The following TMC1 variants were observed in gnomAD, a reference collection of about 807,000 sequenced individuals.
TMC1 encodes the protein transmembrane channel like 1, also known as transmembrane channel-like protein 1.
Under a neutral mutation model 105.8 loss-of-function variants are expected in TMC1, and 84 were observed. The ratio of observed to expected loss-of-function variants is 0.79; its 90% CI spans 0.67 to 0.95. TMC1 has a LOEUF of 0.95. Among genes scored for constraint, TMC1 ranks in the 40% least tolerant of loss-of-function variants. The pLI is 0.00. For synonymous variants in TMC1, 315 were observed against 311.5 expected (o/e 1.01, Z -0.12); for missense variants, 817 against 914.1 (o/e 0.89, Z 1.37).
At chr9:72,720,296 C>A (rs1046852571) in intron 8 of TMC1, among the ~76,000 whole-genome samples, 2 of 152,196 alleles carry the variant, frequency 1.3e-5, no homozygotes, top group African/African-American at 4.8e-5. Flanking sequence ...AGTCACAAAC[C>A]TGAAGTTCAC....
intron 5 of TMC1, among the ~76,000 whole-genome samples, chr9:72,656,787 T>TC (rs1336740539): frequency 6.6e-5 from 10 of 152,052 alleles, no homozygotes; most frequent in Middle Eastern, 3.4e-3. Flanking sequence ...TTCTTTTTTT[T>TC]CCCCCCTCCG....
chr9:72,767,513 A>G (rs1258625995), intron 12 of TMC1, among the ~76,000 whole-genome samples: 2 of 152,226 alleles, frequency 1.3e-5, no homozygotes, highest in Non-Finnish European at 2.9e-5. Flanking sequence ...ATCTATGTAT[A>G]TTGGGCAAAT....
intron 19 of TMC1, among the ~76,000 whole-genome samples, chr9:72,819,732 T>C (rs558485935): frequency 2.6e-5 from 4 of 152,192 alleles, no homozygotes; most frequent in Non-Finnish European, 5.9e-5. Context: ...CAAATTTACG[T>C]TGGATTGGCT....
intron 1 of TMC1, among the ~76,000 whole-genome samples, chr9:72,542,597 G>C (rs114173194): frequency 3.4e-4 from 51 of 152,018 alleles, no homozygotes; most frequent in South Asian, 1.3e-3. Context: ...TCCAGCCTAG[G>C]GGGGAGAAAA....
intron 8 of TMC1, among the ~76,000 whole-genome samples, chr9:72,717,878 C>G (rs1026249355): frequency 1.1e-4 from 16 of 152,110 alleles, no homozygotes; most frequent in Non-Finnish European, 4.4e-5. Flanking sequence ...TATTATTCCC[C>G]CAAATATGTT....
chr9:72,781,967 C>T (rs1828100654), intron 13 of TMC1, among the ~76,000 whole-genome samples: 1 of 152,168 alleles, frequency 6.6e-6, no homozygotes. Context: ...TTCCATGAGA[C>T]CAGCATCATT....
At chr9:72,672,363 AAAATT>A (rs1208719360) in intron 5 of TMC1, among the ~76,000 whole-genome samples, 1 of 152,160 alleles carries the variant, frequency 6.6e-6, no homozygotes, top group African/African-American at 2.4e-5. Flanking sequence ...AATTCCTTAT[AAAATT>A]AAATTAATTC....
chr9:72,672,163 T>A (rs1564481592), intron 5 of TMC1, among the ~76,000 whole-genome samples: 1 of 152,238 alleles, frequency 6.6e-6, no homozygotes, highest in Non-Finnish European at 1.5e-5. Flanking sequence ...ACTTTGAGAT[T>A]CAGTTTTACA....
intron 5 of TMC1, among the ~76,000 whole-genome samples, chr9:72,652,153 TA>T (rs1825823819): frequency 6.6e-6 from 1 of 152,168 alleles, no homozygotes; most frequent in African/African-American, 2.4e-5. Context: ...ATTTCCCTGA[TA>T]ATTAGTGATG....
At chr9:72,765,123 T>C (rs948212599) in intron 12 of TMC1, among the ~76,000 whole-genome samples, 1 of 152,206 alleles carries the variant, frequency 6.6e-6, no homozygotes, top group African/African-American at 2.4e-5. Flanking sequence ...CAATCCGGAA[T>C]TCTTAGCCAA....
At chr9:72,636,581 G>C (rs1257777262) in intron 4 of TMC1, among the ~76,000 whole-genome samples, 1 of 151,814 alleles carries the variant, frequency 6.6e-6, no homozygotes, top group Non-Finnish European at 1.5e-5. Flanking sequence ...GGTGGTGGGA[G>C]CCTGCAGTCT....
chr9:72,545,965 C>A (rs1823759890), intron 1 of TMC1, among the ~76,000 whole-genome samples: 4 of 147,638 alleles, frequency 2.7e-5, no homozygotes, highest in Non-Finnish European at 4.5e-5. Flanking sequence ...AAAAAACAAA[C>A]CTTCACTAGA....
intron 2 of TMC1, among the ~76,000 whole-genome samples, chr9:72,582,095 T>G (rs1437862016): frequency 6.6e-6 from 1 of 152,150 alleles, no homozygotes; most frequent in East Asian, 1.9e-4. Flanking sequence ...GTAGCTGGGA[T>G]TACAGGCATG....
chr9:72,531,872 TG>T (rs1243590294), intron 1 of TMC1, among the ~76,000 whole-genome samples: 1 of 152,190 alleles, frequency 6.6e-6, no homozygotes, highest in Admixed American at 6.5e-5. Context: ...TTCCTGTATC[TG>T]GCTGGCAATT....
At chr9:72,630,332 G>A (rs968326427) in intron 4 of TMC1, among the ~76,000 whole-genome samples, 1 of 152,132 alleles carries the variant, frequency 6.6e-6, no homozygotes, top group Non-Finnish European at 1.5e-5. Context: ...TTTAATATTG[G>A]TAAGAACAAG....
intron 12 of TMC1, among the ~76,000 whole-genome samples, chr9:72,759,806 G>A (rs939151294): frequency 6.6e-6 from 1 of 152,178 alleles, no homozygotes; most frequent in African/African-American, 2.4e-5. Context: ...AGCATGTTCA[G>A]GGTCTTATAG....
rs79639106 is a variant in TMC1 at position 72,816,058 on chromosome 9, C to G, written c.1696-85C>G. 2.8e-3 allele frequency: 3,377 copies of G among 1,187,046 alleles called. 85 individuals are homozygous for G. In the African/African-American group the frequency reaches 0.044, roughly 16 times the overall value. The allele number at this position is 1,187,046 out of a possible 1,614,324, so 73.5% of individuals were successfully genotyped here. A position where few individuals can be genotyped will look rare whatever the true frequency, so the allele number is the denominator to read the frequency against. ...TGTTGCTGAAGGGAAGTAATTGAAACCCTAGCCATGCCTATGCAGAACAAT... is the reference window on the plus strand; with the variant it reads ...TGTTGCTGAAGGGAAGTAATTGAAAGCCTAGCCATGCCTATGCAGAACAAT... On this transcript the variant is annotated intron_variant, in intron 18 of 23. Coordinates refer to ENST00000297784, the MANE Select transcript of TMC1 (RefSeq NM_138691.3).
chr9:72,700,621 G>C lies in TMC1; in HGVS notation c.340G>C (p.Glu114Gln). ...ATVKCKPWKMEKKIEVLKEAK... is the reference protein window; with the variant it reads ...ATVKCKPWKMQKKIEVLKEAK... ...TGTCAAATGCAAACCATGGAAGATG[G>C]AGAAGAAAATTGAAGTTCTCAAGTA... Residue 114 changes from glutamate (E) to glutamine (Q), a missense_variant, in exon 8 of 24, where the codon GAG becomes CAG. Coordinates refer to ENST00000297784, the MANE Select transcript of TMC1 (RefSeq NM_138691.3). 1 of 1,604,386 alleles carries C rather than the reference G, an allele frequency of 6.2e-7. No homozygotes were observed. The highest frequency in any genetic ancestry group is 8.5e-7 in the Non-Finnish European group (1 of 1,174,068).
intron 5 of TMC1, among the ~76,000 whole-genome samples, chr9:72,665,584 G>T (rs1273533260): frequency 6.6e-6 from 1 of 152,198 alleles, no homozygotes; most frequent in African/African-American, 2.4e-5. Flanking sequence ...ATGGGTGGAA[G>T]CCCTGGCAAG....
Sources: gnomAD v4.1 joint callset for allele counts (sites outside exome capture counted in the v4.1 genomes callset) on GRCh38, gnomAD v4.1.1 for gene constraint, MANE v1.5 for transcripts, NCBI Gene and HGNC (gene_info 2026-07-23, HGNC 2026-07-21) for gene names.